CTNND2: variants seen among roughly 807,000 people sequenced by gnomAD.
CTNND2 encodes the protein catenin delta-2.
Under a neutral mutation model 144.4 loss-of-function variants are expected in CTNND2, and 22 were observed. That is an observed-to-expected ratio of 0.15 (90% confidence interval 0.11 to 0.22). The LOEUF (loss-of-function observed/expected upper bound fraction) is 0.22, where lower values mean the gene tolerates loss of function less well. CTNND2 is among the 10% of genes least tolerant of loss of function. The pLI is 1.00. For synonymous variants in CTNND2, 751 were observed against 695.6 expected (o/e 1.08, Z -1.25); for missense variants, 1,353 against 1,618.8 (o/e 0.84, Z 2.82).
chr5:11,637,934 A>G (rs1781799632), intron 2 of CTNND2, among the ~76,000 whole-genome samples: 1 of 152,212 alleles, frequency 6.6e-6, no homozygotes, highest in Non-Finnish European at 1.5e-5. Context: ...CCCCTTAAGA[A>G]AACGAATACC....
At chr5:11,098,812 C>T in intron 14 of CTNND2, 64 bp from the exon 15 acceptor site, 1 of 1,518,526 alleles carries the variant, frequency 6.6e-7, no homozygotes, top group Non-Finnish European at 9.0e-7. Context: ...ACTTTGCCTT[C>T]CTCAAACATT....
chr5:11,003,831 G>C (rs1740204675), intron 18 of CTNND2, among the ~76,000 whole-genome samples: 1 of 152,186 alleles, frequency 6.6e-6, no homozygotes. Context: ...TGACATACCA[G>C]TTGCTGTCAT....
intron 9 of CTNND2, among the ~76,000 whole-genome samples, chr5:11,321,349 C>T (rs908301790): frequency 1.3e-5 from 2 of 152,130 alleles, no homozygotes; most frequent in Non-Finnish European, 2.9e-5. Context: ...ACCATGCATG[C>T]TGGGCCCTGC....
At chr5:11,357,351 T>C (rs1197664665) in intron 8 of CTNND2, among the ~76,000 whole-genome samples, 1 of 151,994 alleles carries the variant, frequency 6.6e-6, no homozygotes, top group Non-Finnish European at 1.5e-5. Context: ...TTCAGACATT[T>C]AAGAAAAATG....
intron 1 of CTNND2, among the ~76,000 whole-genome samples, chr5:11,780,026 G>A (rs1790458379): frequency 6.6e-6 from 1 of 152,174 alleles, no homozygotes; most frequent in South Asian, 2.1e-4. Flanking sequence ...AACCTTCCCT[G>A]TTGAGCGTGA....
At chr5:11,470,980 A>ATATATATATATATATATATATATT (rs1219093645) in intron 3 of CTNND2, among the ~76,000 whole-genome samples, 2 of 91,526 alleles carry the variant, frequency 2.2e-5, no homozygotes, top group Non-Finnish European at 3.9e-5. Flanking sequence ...ATATATATAT[A>ATATATATATATATATATATATATT]TTTTTTTTTT....
At chr5:11,315,774 G>A (rs1751416947) in intron 9 of CTNND2, among the ~76,000 whole-genome samples, 2 of 152,190 alleles carry the variant, frequency 1.3e-5, no homozygotes, top group South Asian at 2.1e-4. Context: ...ACCTATGGAA[G>A]TGGATGGCTA....
chr5:11,532,884 G>C (rs1204838759), intron 3 of CTNND2, among the ~76,000 whole-genome samples: 2 of 152,208 alleles, frequency 1.3e-5, no homozygotes, highest in African/African-American at 4.8e-5. Flanking sequence ...CCAATGACAG[G>C]AGAAAAAGAA....
In CTNND2 at chr5:11,732,167, G is replaced by C; in HGVS notation, c.143C>G (p.Thr48Ser). The C allele has an allele frequency of 6.2e-7, 1 of 1,613,924 alleles. No homozygotes were observed. The highest frequency in any genetic ancestry group is 8.5e-7 in the Non-Finnish European group (1 of 1,179,852). The part of the protein sequence containing the change: ...SNGDGSETET[T>S]SAILASVKEQ... ...TTTGACTGAGGCGAGGATGGCAGAG[G>C]TGGTTTCTGTTTCAGAGCCATCCCC... The change falls in exon 2 of 22, where the codon ACC (threonine) becomes AGC (serine). Residue 48 changes from threonine to serine, a missense_variant. Transcript: ENST00000304623.
At chr5:11,210,058 T>C (rs1208463102) in intron 10 of CTNND2, among the ~76,000 whole-genome samples, 2 of 152,196 alleles carry the variant, frequency 1.3e-5, no homozygotes, top group Non-Finnish European at 2.9e-5. Flanking sequence ...CTCCACTCCC[T>C]CAATACAATA....
At chr5:11,323,234 G>GT (rs895552915) in intron 9 of CTNND2, among the ~76,000 whole-genome samples, 1 of 146,050 alleles carries the variant, frequency 6.8e-6, no homozygotes, top group Non-Finnish European at 1.5e-5. Flanking sequence ...TAGAGATTGG[G>GT]GGGGGGGGTC....
intron 9 of CTNND2, among the ~76,000 whole-genome samples, chr5:11,333,295 ACT>A (rs1244102096): frequency 3.3e-5 from 5 of 151,506 alleles, no homozygotes; most frequent in Admixed American, 3.3e-4. Flanking sequence ...GCAGGGTCTC[ACT>A]CTGTTGCCCA....
At chr5:11,822,915 A>G (rs1793393196) in intron 1 of CTNND2, among the ~76,000 whole-genome samples, 1 of 152,172 alleles carries the variant, frequency 6.6e-6, no homozygotes, top group African/African-American at 2.4e-5. Flanking sequence ...CCATGTCCAG[A>G]TTCCTTACAC....
chr5:11,047,328 T>C (rs985242119), intron 16 of CTNND2, among the ~76,000 whole-genome samples: 2 of 152,184 alleles, frequency 1.3e-5, no homozygotes, highest in Admixed American at 1.3e-4. Flanking sequence ...TCACATCACA[T>C]ACAGTTCCCC....
intron 3 of CTNND2, among the ~76,000 whole-genome samples, chr5:11,510,520 C>T (rs894800455): frequency 6.6e-6 from 1 of 152,300 alleles, no homozygotes; most frequent in East Asian, 1.9e-4. Context: ...TTAATTTATA[C>T]CTTTCTTTTA....
intron 12 of CTNND2, among the ~76,000 whole-genome samples, chr5:11,153,981 C>A (rs1396631324): frequency 2.0e-5 from 3 of 149,244 alleles, no homozygotes; most frequent in African/African-American, 7.8e-5. Context: ...GTATGCTCTG[C>A]AAGCTTCTAC....
At chr5:11,044,972 C>T (rs1159683447) in intron 16 of CTNND2, among the ~76,000 whole-genome samples, 1 of 152,244 alleles carries the variant, frequency 6.6e-6, no homozygotes, top group Non-Finnish European at 1.5e-5. Context: ...TTTCCTGTGA[C>T]TGCTTCAGTG....
chr5:11,557,828 C>T (rs1442483425), intron 3 of CTNND2, among the ~76,000 whole-genome samples: 8 of 152,174 alleles, frequency 5.3e-5, no homozygotes, highest in Admixed American at 4.6e-4. Flanking sequence ...AATTTTCTTC[C>T]ACCTAATAAT....
intron 3 of CTNND2, among the ~76,000 whole-genome samples, chr5:11,544,597 T>C (rs2150074306): frequency 6.6e-6 from 1 of 152,280 alleles, no homozygotes; most frequent in South Asian, 2.1e-4. Flanking sequence ...GGAATACTAC[T>C]CAGCAAAAAA....
Sources: allele counts gnomAD v4.1 joint callset (sites outside exome capture counted in the v4.1 genomes callset), GRCh38; gene constraint gnomAD v4.1.1; transcripts MANE v1.5; gene names NCBI Gene and HGNC (gene_info 2026-07-23, HGNC 2026-07-21).